The following SLC17A6 variants were observed in gnomAD, a reference collection of about 807,000 sequenced individuals.
The protein encoded by SLC17A6 is solute carrier family 17 member 6, also known as vesicular glutamate transporter 2.
A neutral mutation model predicts 67.1 loss-of-function variants in SLC17A6; 35 were observed. The observed-to-expected ratio is 0.52, with a 90% CI of 0.40 to 0.69. SLC17A6 has a LOEUF of 0.69. Among genes scored for constraint, SLC17A6 ranks in the 30% least tolerant of loss-of-function variants. SLC17A6 has a pLI of 0.00. For synonymous variants in SLC17A6, 285 were observed against 252.3 expected (o/e 1.13, Z -1.23); for missense variants, 588 against 723.9 (o/e 0.81, Z 2.15).
chr11:22,358,085 A>T (rs959872903), intron 3 of SLC17A6, among the ~76,000 whole-genome samples: 20 of 152,188 alleles, frequency 1.3e-4, no homozygotes, highest in Admixed American at 3.3e-4. Context: ...TCAGAAATCC[A>T]GGTCTTTAAC....
Position 22,365,535 on chromosome 11 carries a change from T to C in SLC17A6, c.749-12T>C, listed in dbSNP as rs376838079. On this transcript the variant is annotated splice_polypyrimidine_tract_variant and intron_variant, in intron 6 of 11. Coordinates refer to ENST00000263160, the MANE Select transcript of SLC17A6 (RefSeq NM_020346.3). The stretch of plus-strand genomic sequence containing the variant: ...TGGAAGTGACTTTCTCCTTCTGAAC[T>C]GTTGCTTGCAGGAAGCTTTGGAATG... 1.2e-6 allele frequency: 2 copies of C among 1,613,698 alleles called. No individual in the cohort carries two copies. Among genetic ancestry groups the C allele is most frequent in the African/African-American group, 2.7e-5 (2 of 74,926 alleles).
rs140418610 is a variant in SLC17A6, at chr11:22,356,520, T to A, written c.459-2893T>A. 5.4e-3 allele frequency among the ~76,000 whole-genome samples: 828 copies of A among 152,046 alleles called. 11 individuals are homozygous for A. The highest frequency in any genetic ancestry group is 0.019 in the African/African-American group (793 of 41,492). ...GATTTTGAGATGAAGCGCCCACTAATAATGAAAAAAAGGATAGATAAAGAA... is the reference window on the plus strand; with the variant it reads ...GATTTTGAGATGAAGCGCCCACTAAAAATGAAAAAAAGGATAGATAAAGAA... On this transcript the variant is annotated intron_variant, in intron 3 of 11. Transcript: ENST00000263160.
At chr11:22,358,541 A>C (rs1177924740) in intron 3 of SLC17A6, among the ~76,000 whole-genome samples, 1 of 152,202 alleles carries the variant, frequency 6.6e-6, no homozygotes, top group Non-Finnish European at 1.5e-5. Flanking sequence ...TATGTTGGCC[A>C]GACTGGTTTT....
At chr11:22,346,693 A>G (rs1229294735) in intron 3 of SLC17A6, among the ~76,000 whole-genome samples, 1 of 151,914 alleles carries the variant, frequency 6.6e-6, no homozygotes, top group African/African-American at 2.4e-5. Flanking sequence ...AATACAGGAC[A>G]TCGGCTTATA....
At chr11:22,364,899 C>T (rs1220521427) in intron 6 of SLC17A6, among the ~76,000 whole-genome samples, 1 of 152,116 alleles carries the variant, frequency 6.6e-6, no homozygotes, top group African/African-American at 2.4e-5. Context: ...TAACTTTTGT[C>T]TGCCCAAAGA....
chr11:22,344,940 C>T (rs948450738), intron 3 of SLC17A6, among the ~76,000 whole-genome samples: 4 of 151,798 alleles, frequency 2.6e-5, no homozygotes, highest in East Asian at 1.9e-4. Flanking sequence ...CAGAAAGATA[C>T]CCTAAACATA....
chr11:22,367,569 T>C (rs545903136), intron 7 of SLC17A6, among the ~76,000 whole-genome samples: 26 of 152,258 alleles, frequency 1.7e-4, no homozygotes, highest in Middle Eastern at 6.8e-3. Context: ...TGCAGTTATT[T>C]TGAGCAGAAG....
chr11:22,343,734 C>T (rs550172112), intron 3 of SLC17A6, among the ~76,000 whole-genome samples: 57 of 152,228 alleles, frequency 3.7e-4, no homozygotes, highest in African/African-American at 1.3e-3. Context: ...GCAGATGCTG[C>T]GCTCTCTCCT....
intron 8 of SLC17A6, among the ~76,000 whole-genome samples, chr11:22,373,631 A>G (rs762996852): frequency 1.3e-5 from 2 of 152,176 alleles, no homozygotes; most frequent in Non-Finnish European, 2.9e-5. Context: ...CTAAGAGCCC[A>G]GTCTTTCGAC....
intron 3 of SLC17A6, among the ~76,000 whole-genome samples, chr11:22,354,717 T>C (rs1221619226): frequency 6.6e-6 from 1 of 152,232 alleles, no homozygotes; most frequent in African/African-American, 2.4e-5. Flanking sequence ...AGATAAGTAA[T>C]GTAAACCATA....
At chr11:22,373,495 C>A (rs1186653637) in intron 8 of SLC17A6, among the ~76,000 whole-genome samples, 2 of 151,790 alleles carry the variant, frequency 1.3e-5, no homozygotes, top group African/African-American at 4.8e-5. Context: ...TACCTGACAT[C>A]TTTATTTAGG....
At chr11:22,341,256 G>A (rs1855812028) in intron 1 of SLC17A6, among the ~76,000 whole-genome samples, 1 of 152,184 alleles carries the variant, frequency 6.6e-6, no homozygotes, top group South Asian at 2.1e-4. Flanking sequence ...AGAGCGCCCA[G>A]GGGTGGATCC....
intron 1 of SLC17A6, among the ~76,000 whole-genome samples, chr11:22,339,497 TG>T (rs746290734): frequency 1.3e-5 from 2 of 152,110 alleles, no homozygotes; most frequent in South Asian, 2.1e-4. Context: ...TTAATCCTCC[TG>T]TAGTCACTAT....
intron 4 of SLC17A6, among the ~76,000 whole-genome samples, chr11:22,360,191 C>G (rs1029702194): frequency 2.0e-5 from 3 of 151,402 alleles, no homozygotes; most frequent in Non-Finnish European, 4.4e-5. Flanking sequence ...ACAGATGGAG[C>G]TGGAAGCCAT....
intron 5 of SLC17A6, among the ~76,000 whole-genome samples, chr11:22,361,656 T>C (rs1023688034): frequency 1.3e-5 from 2 of 152,208 alleles, no homozygotes; most frequent in African/African-American, 4.8e-5. Flanking sequence ...AATGAACATG[T>C]ATTAAAGCTT....
intron 4 of SLC17A6, among the ~76,000 whole-genome samples, chr11:22,360,526 T>C (rs1178969541): frequency 3.3e-3 from 378 of 115,608 alleles, no homozygotes; most frequent in African/African-American, 0.01. Context: ...CCGCTCTCCT[T>C]CCCCCCCCCC....
At chr11:22,340,660 T>C (rs775996114) in intron 1 of SLC17A6, among the ~76,000 whole-genome samples, 8 of 152,134 alleles carry the variant, frequency 5.3e-5, no homozygotes, top group Non-Finnish European at 1.2e-4. Context: ...GAGATAGTAA[T>C]GACGCAAGAT....
chr11:22,341,841 A>G (rs1306518127), intron 2 of SLC17A6, 61 bp downstream of exon 2: 1 of 1,579,106 alleles, frequency 6.3e-7, no homozygotes, highest in Non-Finnish European at 8.6e-7. Flanking sequence ...GCAAAACCAC[A>G]TCTCCTGTTT....
At chr11:22,346,936 G>A (rs1425344321) in intron 3 of SLC17A6, among the ~76,000 whole-genome samples, 1 of 151,092 alleles carries the variant, frequency 6.6e-6, no homozygotes, top group Non-Finnish European at 1.5e-5. Context: ...TATGTTTAAT[G>A]TATAGCACTG....
Sources: allele counts gnomAD v4.1 joint callset (sites outside exome capture counted in the v4.1 genomes callset), GRCh38; gene constraint gnomAD v4.1.1; transcripts MANE v1.5; gene names NCBI Gene and HGNC (gene_info 2026-07-23, HGNC 2026-07-21).